Variants in ERC2 observed in about 807,000 individuals in gnomAD.
ERC2 encodes ELKS/RAB6-interacting/CAST family member 2, also known as ERC protein 2.
In ERC2, 42 loss-of-function variants were observed where a neutral mutation model predicts 114.8. The observed-to-expected ratio is 0.37, with a 90% CI of 0.29 to 0.47. ERC2 has a LOEUF of 0.47. ERC2 is among the 20% of genes least tolerant of loss of function. The pLI is 0.99. For missense variants in ERC2, 939 were observed against 1,150.7 expected (o/e 0.82, Z 2.66); for synonymous variants, 454 against 425.5 (o/e 1.07, Z -0.82).
At chr3:55,551,344 G>A (rs180931694) in intron 17 of ERC2, among the ~76,000 whole-genome samples, 1 of 151,874 alleles carries the variant, frequency 6.6e-6, no homozygotes, top group Non-Finnish European at 1.5e-5. Context: ...TCAACATGGT[G>A]AAACCGCGTC....
At position 56,142,409 on chromosome 3, in the gene ERC2, T is replaced by C. The variant is rs112364849; in HGVS notation, c.1306-2733A>G. Among the ~76,000 whole-genome samples, 1,085 of 152,306 alleles carry C rather than the reference T, an allele frequency of 7.1e-3. 14 individuals carry two copies. The highest frequency in any genetic ancestry group is 0.025 in the African/African-American group (1,027 of 41,584). ...TATCAAGGAACCAATTTTGGCTATA[T>C]TGATTATGCAATTACACTTTTATTT... On this transcript the variant is annotated intron_variant, in intron 5 of 17. Transcript: ENST00000288221.
rs189277716 is a variant in ERC2 at position 56,066,804 on chromosome 3, G to A, written c.1641+14013C>T. Among the ~76,000 whole-genome samples the A allele has an allele frequency of 7.3e-3, 1,108 of 152,220 alleles. 7 individuals are homozygous for A. Among genetic ancestry groups the A allele is most frequent in the Middle Eastern group, 0.024 (7 of 294 alleles). The stretch of plus-strand genomic sequence containing the variant: ...TTCCCAGCACCATTTATTAAATAAG[G>A]AATCTTTTCCCCATTGCTTGTTTTT... On this transcript the variant is annotated intron_variant, in intron 7 of 17. Transcript: ENST00000288221.
chr3:56,280,144 G>A (rs914427475), intron 3 of ERC2, among the ~76,000 whole-genome samples: 3 of 152,094 alleles, frequency 2.0e-5, no homozygotes, highest in African/African-American at 7.2e-5. Context: ...ATTTGAAAAT[G>A]TTTCAGTGTT....
At chr3:56,391,875 C>A (rs986280134) in intron 2 of ERC2, among the ~76,000 whole-genome samples, 2 of 152,074 alleles carry the variant, frequency 1.3e-5, no homozygotes, top group African/African-American at 4.8e-5. Flanking sequence ...TAAAAATAAC[C>A]TTCTCTGTCC....
intron 7 of ERC2, among the ~76,000 whole-genome samples, chr3:56,064,525 C>A (rs1258632878): frequency 6.6e-6 from 1 of 152,212 alleles, no homozygotes; most frequent in Non-Finnish European, 1.5e-5. Flanking sequence ...CTTAGCTTTG[C>A]TTCATTCAGA....
Position 55,888,378 on chromosome 3 carries a change from T to C in ERC2, c.2564+11A>G, listed in dbSNP as rs1246872739. The C allele has an allele frequency of 6.2e-7, 1 of 1,613,632 alleles. No homozygotes were observed. The highest frequency in any genetic ancestry group is 1.3e-5 in the African/African-American group (1 of 75,030). On this transcript the variant is annotated intron_variant, in intron 14 of 17. Coordinates refer to ENST00000288221, the MANE Select transcript of ERC2 (RefSeq NM_015576.3). The stretch of plus-strand genomic sequence containing the variant: ...AAGAGAGAGGCTACCAAAGCAGCAA[T>C]GGGTACTCACTTCATCTCCAGGATC...
At chr3:55,646,610 G>A (rs2060410249) in intron 17 of ERC2, among the ~76,000 whole-genome samples, 1 of 152,152 alleles carries the variant, frequency 6.6e-6, no homozygotes, top group South Asian at 2.1e-4. Context: ...GCTAGACACT[G>A]TGCTAGGCAT....
chr3:55,867,435 C>A (rs545251160), intron 14 of ERC2, among the ~76,000 whole-genome samples: 1 of 152,260 alleles, frequency 6.6e-6, no homozygotes, highest in East Asian at 1.9e-4. Context: ...TTCTAGTCAT[C>A]CGTAGTGACC....
chr3:56,203,924 G>A (rs893846203), intron 3 of ERC2, among the ~76,000 whole-genome samples: 4 of 152,246 alleles, frequency 2.6e-5, no homozygotes, highest in African/African-American at 9.6e-5. Flanking sequence ...GCTTACGCCT[G>A]TAATCCCAGC....
At chr3:55,830,204 A>C (rs183591368) in intron 14 of ERC2, among the ~76,000 whole-genome samples, 17 of 152,320 alleles carry the variant, frequency 1.1e-4, no homozygotes, top group African/African-American at 3.6e-4. Flanking sequence ...TCCTGACATA[A>C]AGAAACTGTC....
intron 2 of ERC2, among the ~76,000 whole-genome samples, chr3:56,355,673 C>T (rs906851261): frequency 1.3e-5 from 2 of 152,118 alleles, no homozygotes; most frequent in African/African-American, 4.8e-5. Flanking sequence ...CAGATGACTC[C>T]TCCATCCAAT....
chr3:55,733,448 TCATTCTCTCTCTCTCTCACA>T (rs1359268397), intron 15 of ERC2, among the ~76,000 whole-genome samples: 1 of 122,976 alleles, frequency 8.1e-6, no homozygotes, highest in Non-Finnish European at 1.8e-5. Flanking sequence ...TCTCTGTCTC[TCATTCTCTCTCTCTCTCACA>T]CACACACACA....
At chr3:56,037,577 T>C (rs981680066) in intron 7 of ERC2, among the ~76,000 whole-genome samples, 3 of 152,178 alleles carry the variant, frequency 2.0e-5, no homozygotes, top group African/African-American at 7.2e-5. Context: ...TTATGACTGA[T>C]TGGGGTACCT....
intron 2 of ERC2, among the ~76,000 whole-genome samples, chr3:56,314,278 C>T (rs2056762224): frequency 6.6e-6 from 1 of 152,060 alleles, no homozygotes; most frequent in African/African-American, 2.4e-5. Context: ...TTTCGCTAAA[C>T]CTCAGTTTCC....
intron 3 of ERC2, among the ~76,000 whole-genome samples, chr3:56,201,435 G>T (rs1261848682): frequency 1.3e-5 from 2 of 152,200 alleles, no homozygotes; most frequent in Admixed American, 6.5e-5. Flanking sequence ...TTTATTCCAA[G>T]GAGTGTGAAA....
In ERC2 at chr3:56,139,676, T is replaced by C; in HGVS notation, c.1306A>G (p.Ile436Val). 6.3e-7 allele frequency: 1 copy of C among 1,593,820 alleles called. No individual in the cohort carries two copies. Among genetic ancestry groups the C allele is most frequent in the Non-Finnish European group, 8.6e-7 (1 of 1,168,952 alleles). ...GAAAGTTCCTGCTTCAGCTGATCAATCTGCAAAACAACAACAAAATTGCAA... is the reference window on the plus strand; with the variant it reads ...GAAAGTTCCTGCTTCAGCTGATCAACCTGCAAAACAACAACAAAATTGCAA... ...KSHSKFMKTKIDQLKQELSKK... is the reference protein window; with the variant it reads ...KSHSKFMKTKVDQLKQELSKK... The change falls in exon 6 of 18, where the codon ATT becomes GTT. Residue 436 changes from isoleucine to valine, a missense_variant and splice_region_variant. This residue lies in a region of ERC2 where 148 missense variants were observed against 159.1 expected (regional missense o/e 0.93). Transcript: ENST00000288221.
chr3:55,644,504 C>T (rs1431482587), intron 17 of ERC2, among the ~76,000 whole-genome samples: 3 of 152,150 alleles, frequency 2.0e-5, no homozygotes, highest in Non-Finnish European at 4.4e-5. Flanking sequence ...CCTAACTTTA[C>T]TCAAGCTCAG....
At chr3:56,318,546 G>A (rs1051811262) in intron 2 of ERC2, among the ~76,000 whole-genome samples, 3 of 150,656 alleles carry the variant, frequency 2.0e-5, no homozygotes, top group Non-Finnish European at 2.9e-5. Flanking sequence ...CTGATAAGGG[G>A]TTAATATCAA....
intron 14 of ERC2, among the ~76,000 whole-genome samples, chr3:55,857,861 T>A (rs1193341724): frequency 6.6e-6 from 1 of 152,186 alleles, no homozygotes; most frequent in Admixed American, 6.5e-5. Flanking sequence ...ATCTCTGAAA[T>A]GGTTGGGTAC....
Sources: gnomAD v4.1 joint callset for allele counts (sites outside exome capture counted in the v4.1 genomes callset) on GRCh38, gnomAD v4.1.1 for gene constraint, gnomAD v4.1.1 regional missense constraint, MANE v1.5 for transcripts, NCBI Gene and HGNC (gene_info 2026-07-23, HGNC 2026-07-21) for gene names.